TACR1: variants seen among roughly 807,000 people sequenced by gnomAD.
TACR1 encodes substance-P receptor.
In TACR1, 25 loss-of-function variants were observed where a neutral mutation model predicts 35.8. That is an observed-to-expected ratio of 0.70 (90% CI 0.51 to 0.98). TACR1 has a LOEUF of 0.98. Among genes scored for constraint, TACR1 ranks in the 50% least tolerant of loss-of-function variants. TACR1 has a pLI of 0.00. For missense variants in TACR1, 478 were observed against 522.9 expected (o/e 0.91, Z 0.84); for synonymous variants, 195 against 206.7 (o/e 0.94, Z 0.48).
intron 1 of TACR1, among the ~76,000 whole-genome samples, chr2:75,193,232 T>G (rs1460130240): frequency 6.6e-6 from 1 of 152,162 alleles, no homozygotes; most frequent in Non-Finnish European, 1.5e-5. Flanking sequence ...CTTGTTAATC[T>G]CCAAAGACTG....
At chr2:75,085,590 G>T (rs1673174618) in intron 2 of TACR1, among the ~76,000 whole-genome samples, 1 of 152,172 alleles carries the variant, frequency 6.6e-6, no homozygotes, top group South Asian at 2.1e-4. Flanking sequence ...TATCATGGAG[G>T]ATTTGAGGAG....
At chr2:75,071,253 T>A (rs1481389430) in intron 2 of TACR1, among the ~76,000 whole-genome samples, 5 of 152,234 alleles carry the variant, frequency 3.3e-5, no homozygotes, top group Non-Finnish European at 1.5e-5. Context: ...GGGAAGGGGC[T>A]GAATTACAAT....
intron 2 of TACR1, among the ~76,000 whole-genome samples, chr2:75,067,873 C>T (rs1672797753): frequency 6.6e-6 from 1 of 152,134 alleles, no homozygotes; most frequent in East Asian, 1.9e-4. Context: ...GGTCCTTAGG[C>T]CATGCTGTCA....
intron 1 of TACR1, among the ~76,000 whole-genome samples, chr2:75,179,965 T>A (rs1675523237): frequency 6.6e-6 from 1 of 152,180 alleles, no homozygotes; most frequent in Non-Finnish European, 1.5e-5. Flanking sequence ...ATGGCCTTCT[T>A]CTCTAGCCTC....
chr2:75,089,919 A>T (rs754092482), intron 2 of TACR1, among the ~76,000 whole-genome samples: 3 of 152,200 alleles, frequency 2.0e-5, no homozygotes, highest in Non-Finnish European at 4.4e-5. Context: ...CACCACCTAG[A>T]CTAAAATAAA....
chr2:75,157,091 G>A (rs1484951958), intron 1 of TACR1, among the ~76,000 whole-genome samples: 2 of 152,138 alleles, frequency 1.3e-5, no homozygotes, highest in African/African-American at 4.8e-5. Context: ...CAGAAACAGA[G>A]GCTAGAAGGG....
rs778203444 is a variant in TACR1, at chr2:75,049,491, G to C, written c.1165C>G (p.Arg389Gly). The C allele has an allele frequency of 6.2e-7, 1 of 1,614,072 alleles. No homozygotes were observed. Among genetic ancestry groups the C allele is most frequent in the Non-Finnish European group, 8.5e-7 (1 of 1,180,056 alleles). ...SLDLTSNCSS[R>G]SDSKTMTESF... ...TCTGTCATGGTCTTGGAGTCACTTCGTGAAGAGCAGTTGGAGGTCAGGTCC... is the reference window on the plus strand; with the variant it reads ...TCTGTCATGGTCTTGGAGTCACTTCCTGAAGAGCAGTTGGAGGTCAGGTCC... Residue 389 changes from arginine (R) to glycine (G), a missense_variant, in exon 5 of 5, where the codon CGA (arginine) becomes GGA (glycine). Coordinates refer to ENST00000305249, the MANE Select transcript of TACR1 (RefSeq NM_001058.4).
At chr2:75,147,981 C>T in intron 1 of TACR1, among the ~76,000 whole-genome samples, 1 of 152,052 alleles carries the variant, frequency 6.6e-6, no homozygotes, top group East Asian at 1.9e-4. Context: ...CTCCTGACCT[C>T]ATGATCCACC....
intron 2 of TACR1, among the ~76,000 whole-genome samples, chr2:75,055,430 C>T (rs1367395809): frequency 6.6e-6 from 1 of 152,228 alleles, no homozygotes; most frequent in Non-Finnish European, 1.5e-5. Context: ...CCTCAGGGCT[C>T]TCCAACCACT....
intron 2 of TACR1, among the ~76,000 whole-genome samples, chr2:75,119,270 C>T (rs1347909260): frequency 2.0e-5 from 3 of 152,164 alleles, no homozygotes; most frequent in East Asian, 3.8e-4. Context: ...TACATTATCT[C>T]GTTTGATCTT....
chr2:75,195,679 A>G (rs1675953009), intron 1 of TACR1, among the ~76,000 whole-genome samples: 1 of 152,198 alleles, frequency 6.6e-6, no homozygotes, highest in Non-Finnish European at 1.5e-5. Flanking sequence ...ATAATCAAGA[A>G]GGCAAAACAA....
chr2:75,064,311 G>C (rs961659518), intron 2 of TACR1, among the ~76,000 whole-genome samples: 1 of 152,082 alleles, frequency 6.6e-6, no homozygotes, highest in Non-Finnish European at 1.5e-5. Context: ...ATTTCAACTG[G>C]GTAGATACGT....
intron 2 of TACR1, 78 bp from the exon 3 acceptor site, chr2:75,053,833 A>G (rs1672518040): frequency 1.3e-6 from 2 of 1,569,346 alleles, no homozygotes; most frequent in Non-Finnish European, 1.7e-6. Flanking sequence ...TTGTTATTGC[A>G]GTCAAGGTTT....
intron 1 of TACR1, among the ~76,000 whole-genome samples, chr2:75,153,685 C>G (rs1201028515): frequency 2.0e-5 from 3 of 152,176 alleles, no homozygotes; most frequent in Admixed American, 6.5e-5. Flanking sequence ...TGAAATTCAC[C>G]TGGCACATTC....
chr2:75,151,466 C>T (rs1391055163), intron 1 of TACR1, among the ~76,000 whole-genome samples: 1 of 152,236 alleles, frequency 6.6e-6, no homozygotes, highest in Non-Finnish European at 1.5e-5. Context: ...ATGCAAGCCC[C>T]AAGCCTTGGC....
chr2:75,106,451 G>A (rs185964859), intron 2 of TACR1, among the ~76,000 whole-genome samples: 3 of 152,080 alleles, frequency 2.0e-5, no homozygotes, highest in African/African-American at 7.2e-5. Context: ...CTTTATATAA[G>A]TAATTTTAAC....
rs146486177 is a variant in TACR1, at chr2:75,057,982, T to G, written c.585-4227A>C. On this transcript the variant is annotated intron_variant, in intron 2 of 4. Transcript: ENST00000305249. Reference sequence around the variant, plus strand: ...CTAGGTTTCCAGATTCGCAGTCTTTTGCTCCCCCAGGCACTTGACAACTAC... The same window carrying G: ...CTAGGTTTCCAGATTCGCAGTCTTTGGCTCCCCCAGGCACTTGACAACTAC... Among the ~76,000 whole-genome samples the G allele has an allele frequency of 2.8e-3, 426 of 152,326 alleles. 5 individuals carry two copies. The highest frequency in any genetic ancestry group is 9.7e-3 in the African/African-American group (403 of 41,570).
chr2:75,103,405 A>G (rs971172621), intron 2 of TACR1, among the ~76,000 whole-genome samples: 2 of 152,186 alleles, frequency 1.3e-5, no homozygotes, highest in African/African-American at 4.8e-5. Flanking sequence ...AATATGTCAT[A>G]ATGGGGTATG....
chr2:75,053,093 A>G (rs546095774), intron 3 of TACR1, among the ~76,000 whole-genome samples: 2 of 152,196 alleles, frequency 1.3e-5, no homozygotes, highest in South Asian at 4.2e-4. Flanking sequence ...CATCACAGGT[A>G]TAGATGAAAA....
Sources: gnomAD v4.1 joint callset for allele counts (sites outside exome capture counted in the v4.1 genomes callset) on GRCh38, gnomAD v4.1.1 for gene constraint, MANE v1.5 for transcripts, NCBI Gene and HGNC (gene_info 2026-07-23, HGNC 2026-07-21) for gene names.